PCDHGA2: variants seen among roughly 807,000 people sequenced by gnomAD.
The protein encoded by PCDHGA2 is protocadherin gamma-A2.
A neutral mutation model predicts 59.2 loss-of-function variants in PCDHGA2; 40 were observed. The ratio of observed to expected loss-of-function variants is 0.68; its 90% CI spans 0.52 to 0.88. The LOEUF (loss-of-function observed/expected upper bound fraction) is 0.88, where lower values mean the gene tolerates loss of function less well. Among genes scored for constraint, PCDHGA2 ranks in the 40% least tolerant of loss-of-function variants. The pLI, the probability that PCDHGA2 is intolerant of heterozygous loss-of-function variation, is 0.00. For missense variants in PCDHGA2, 1,226 were observed against 1,204.0 expected, an observed-to-expected ratio of 1.02 and a Z score of -0.27; for synonymous variants, 560 against 526.0, an observed-to-expected ratio of 1.06 and a Z score of -0.89.
intron 1 of PCDHGA2, chr5:141,383,837 C>G: frequency 6.2e-7 from 1 of 1,613,886 alleles, no homozygotes; most frequent in Non-Finnish European, 8.5e-7. Flanking sequence ...GAAGAAACTG[C>G]CTTCTATGAA....
At chr5:141,452,781 A>G (rs575869415) in intron 1 of PCDHGA2, among the ~76,000 whole-genome samples, 10 of 152,302 alleles carry the variant, frequency 6.6e-5, no homozygotes, top group African/African-American at 2.4e-4. Flanking sequence ...CTGAGAAAGT[A>G]ACATACCATC....
chr5:141,364,399 G>C (rs747286948), intron 1 of PCDHGA2: 2 of 1,607,328 alleles, frequency 1.2e-6, no homozygotes, highest in Non-Finnish European at 1.7e-6. Flanking sequence ...TGGGGACGCT[G>C]TGCGAGCCAG....
intron 1 of PCDHGA2, among the ~76,000 whole-genome samples, chr5:141,482,866 G>A (rs768388750): frequency 2.7e-5 from 4 of 150,296 alleles, no homozygotes; most frequent in Non-Finnish European, 4.4e-5. Flanking sequence ...GAGGTCAGGA[G>A]TTTGAAACCA....
At chr5:141,356,462 C>T in intron 1 of PCDHGA2, 1 of 1,613,660 alleles carries the variant, frequency 6.2e-7, no homozygotes, top group Non-Finnish European at 8.5e-7. Context: ...TATAACATCA[C>T]TGTAACTGCC....
At chr5:141,414,117 A>T (rs764001135) in intron 1 of PCDHGA2, 2 of 1,592,602 alleles carry the variant, frequency 1.3e-6, no homozygotes, top group Non-Finnish European at 1.7e-6. Flanking sequence ...TAGATTATGA[A>T]GAAACCGGTT....
At chr5:141,341,892 A>G (rs1177379992) in intron 1 of PCDHGA2, 1 of 160,794 alleles carries the variant, frequency 6.2e-6, no homozygotes, top group Non-Finnish European at 1.4e-5. Context: ...TCAGTTTGGC[A>G]GCAAAATTGT....
At chr5:141,481,356 T>A (rs1214829594) in intron 1 of PCDHGA2, among the ~76,000 whole-genome samples, 1 of 152,260 alleles carries the variant, frequency 6.6e-6, no homozygotes, top group East Asian at 1.9e-4. Context: ...CATCTACAGC[T>A]GTTCAATAGA....
intron 1 of PCDHGA2, chr5:141,405,402 C>T: frequency 6.3e-7 from 1 of 1,589,724 alleles, no homozygotes; most frequent in Non-Finnish European, 8.6e-7. Flanking sequence ...TTCTTTCTTT[C>T]TTTTCTTTTT....
intron 1 of PCDHGA2, chr5:141,422,541 T>G: frequency 6.2e-7 from 1 of 1,613,992 alleles, no homozygotes; most frequent in Non-Finnish European, 8.5e-7. Context: ...CAGAAACTCA[T>G]GTCTGGCTGA....
At chr5:141,510,447 C>T (rs1270073364) in intron 3 of PCDHGA2, among the ~76,000 whole-genome samples, 1 of 152,026 alleles carries the variant, frequency 6.6e-6, no homozygotes, top group Non-Finnish European at 1.5e-5. Flanking sequence ...CTCCAGGAGC[C>T]CATGGTCTAG....
chr5:141,458,168 A>G (rs1287422935), intron 1 of PCDHGA2, among the ~76,000 whole-genome samples: 1 of 152,254 alleles, frequency 6.6e-6, no homozygotes. Context: ...TGTTCACAGT[A>G]GTATACCTTA....
chr5:141,485,426 C>T lies in PCDHGA2; in HGVS notation c.2425-9381C>T. 6.2e-7 allele frequency: 1 copy of T among 1,614,158 alleles called. No individual in the cohort carries two copies. Among genetic ancestry groups the T allele is most frequent in the South Asian group, 1.1e-5 (1 of 91,078 alleles). ...TGTGGATTTGGACAGCGGAGCCCTGCTCATCAAGAACCCAATCGACCGAGA... is the reference window on the plus strand; with the variant it reads ...TGTGGATTTGGACAGCGGAGCCCTGTTCATCAAGAACCCAATCGACCGAGA... On this transcript the variant is annotated intron_variant, in intron 1 of 3. Transcript: ENST00000394576. The surrounding 1 kb of genome is among the most constrained non-coding windows in gnomAD (Gnocchi z 5.7).
chr5:141,384,119 C>G, intron 1 of PCDHGA2: 5 of 1,608,930 alleles, frequency 3.1e-6, no homozygotes, highest in Non-Finnish European at 4.2e-6. Context: ...TTGGTCACAA[C>G]CAAAAACTTG....
chr5:141,419,698 G>A, intron 1 of PCDHGA2: 1 of 1,612,978 alleles, frequency 6.2e-7, no homozygotes, highest in Non-Finnish European at 8.5e-7. Context: ...AGGCCAGTGA[G>A]CCCGGGCTCT....
chr5:141,361,531 C>T, intron 1 of PCDHGA2: 2 of 1,614,040 alleles, frequency 1.2e-6, no homozygotes, highest in Non-Finnish European at 1.7e-6. Flanking sequence ...AGAGAACAAT[C>T]CTCCTGGCGC....
At chr5:141,367,696 AG>A (rs574151601) in intron 1 of PCDHGA2, 1 of 152,176 alleles carries the variant, frequency 6.6e-6, no homozygotes, top group Non-Finnish European at 1.5e-5. Flanking sequence ...ATCAGTGTAA[AG>A]GAACCTTAAG....
intron 1 of PCDHGA2, chr5:141,441,751 A>G (rs946329290): frequency 5.3e-6 from 2 of 378,094 alleles, no homozygotes; most frequent in African/African-American, 2.2e-5. Flanking sequence ...CTCGGCGTCA[A>G]CGTGAGCCTG....
At chr5:141,349,516 CT>C (rs1326171380) in intron 1 of PCDHGA2, among the ~76,000 whole-genome samples, 2 of 152,122 alleles carry the variant, frequency 1.3e-5, no homozygotes, top group African/African-American at 2.4e-5. Context: ...TCCTACTTAA[CT>C]GGAAAGATTA....
intron 1 of PCDHGA2, chr5:141,378,634 T>C (rs1775059163): frequency 6.6e-6 from 1 of 152,196 alleles, no homozygotes; most frequent in African/African-American, 2.4e-5. Context: ...GACTGGTGAA[T>C]GGGAGAACAA....
Sources: gnomAD v4.1 joint callset for allele counts (sites outside exome capture counted in the v4.1 genomes callset) on GRCh38, gnomAD v4.1.1 for gene constraint, Gnocchi (gnomAD v3.1) non-coding constraint, MANE v1.5 for transcripts, NCBI Gene and HGNC (gene_info 2026-07-23, HGNC 2026-07-21) for gene names.